Variants in RO60 observed in about 807,000 individuals in gnomAD.
The protein encoded by RO60 is RNA-binding protein RO60.
In RO60, 20 loss-of-function variants were observed where a neutral mutation model predicts 55.3. The ratio of observed to expected loss-of-function variants is 0.36; its 90% CI spans 0.25 to 0.53. RO60 has a LOEUF of 0.53. Ranked by LOEUF, RO60 falls within the 20% of genes least tolerant of loss-of-function variation. The pLI is 0.92. For synonymous variants in RO60, 213 were observed against 213.6 expected (o/e 1.00, Z 0.02); for missense variants, 558 against 646.6 (o/e 0.86, Z 1.49).
At position 193,082,148 on chromosome 1, in the gene RO60, C is replaced by G. The variant is rs569822628; in HGVS notation, c.1204-38C>G. ...AAAATTCAAAATATTGTATTTCCCCCCAAATTTGCTGAAAATTACTGCCAT... is the reference window on the plus strand; with the variant it reads ...AAAATTCAAAATATTGTATTTCCCCGCAAATTTGCTGAAAATTACTGCCAT... On this transcript the variant is annotated intron_variant, in intron 6 of 8. Coordinates refer to ENST00000400968, the MANE Select transcript of RO60 (RefSeq NM_001173524.2). 3.2e-6 allele frequency: 4 copies of G among 1,254,426 alleles called. No homozygotes were observed. The South Asian group carries it at 4.9e-5, about 15-fold the overall frequency. 77.7% of individuals were successfully genotyped at this position (1,254,426 alleles called of 1,614,324 possible). A position where few individuals can be genotyped will look rare whatever the true frequency, so the allele number is the denominator to read the frequency against.
chr1:193,076,627 AAT>A lies in RO60; in HGVS notation c.929_930del (p.Asn310ArgfsTer36). 1 of 1,602,750 alleles carries A rather than the reference AAT, an allele frequency of 6.2e-7. No individual in the cohort carries two copies. On this transcript the variant is annotated frameshift_variant, in exon 4 of 9. Coordinates refer to ENST00000400968, the MANE Select transcript of RO60 (RefSeq NM_001173524.2). LOFTEE classifies it high-confidence loss of function. ...ATCTTTAGTATGTGAAAAACTGTGT[AAT>A]GAAAAACTATTAAAAAAGGTAAGCA... Reference protein sequence around the residue: ...EVSLVCEKLCNEKLLKKARIH... With the variant: ...EVSLVCEKLCXEKLLKKARIH...
At chr1:193,074,512 T>A (rs1673758718) in intron 2 of RO60, among the ~76,000 whole-genome samples, 1 of 152,222 alleles carries the variant, frequency 6.6e-6, no homozygotes, top group Admixed American at 6.5e-5. Context: ...TTTTCATATG[T>A]CTTTTGGCTG....
chr1:193,067,857 T>A (rs1673222865), intron 1 of RO60, among the ~76,000 whole-genome samples: 1 of 152,190 alleles, frequency 6.6e-6, no homozygotes, highest in South Asian at 2.1e-4. Context: ...TAAGGATACA[T>A]TTATGACATA....
chr1:193,071,527 C>A (rs140727598), intron 2 of RO60, among the ~76,000 whole-genome samples: 1 of 151,842 alleles, frequency 6.6e-6, no homozygotes, highest in Non-Finnish European at 1.5e-5. Flanking sequence ...TATACTGTTA[C>A]AAAAATACTA....
At chr1:193,081,297 G>A (rs1229064611) in intron 5 of RO60, 67 bp from the exon 6 acceptor site, 2 of 881,092 alleles carry the variant, frequency 2.3e-6, no homozygotes, top group Non-Finnish European at 3.6e-6. Context: ...AAGTAAATAT[G>A]ATTTAGAAAT....
At chr1:193,078,200 A>G (rs1048329730) in intron 5 of RO60, among the ~76,000 whole-genome samples, 3 of 152,240 alleles carry the variant, frequency 2.0e-5, no homozygotes, top group Admixed American at 6.5e-5. Context: ...ACAAATTTCA[A>G]CATTCCTTCA....
At chr1:193,072,978 A>G (rs906442150) in intron 2 of RO60, among the ~76,000 whole-genome samples, 2 of 152,234 alleles carry the variant, frequency 1.3e-5, no homozygotes, top group Admixed American at 1.3e-4. Context: ...AAGCTTAAAA[A>G]TTTGGAAAAA....
rs1280101860 is a variant in RO60 at position 193,086,643 on chromosome 1, A to G, written c.*1912A>G. 1 of 152,192 alleles carries G rather than the reference A, an allele frequency of 6.6e-6. No individual in the cohort carries two copies. The highest frequency in any genetic ancestry group is 2.4e-5 in the African/African-American group (1 of 41,458). 9.4% of individuals were successfully genotyped at this position (152,192 alleles called of 1,614,324 possible). A position where few individuals can be genotyped will look rare whatever the true frequency, so the allele number is the denominator to read the frequency against. On this transcript the variant is annotated 3_prime_UTR_variant, in exon 9 of 9. Transcript: ENST00000400968. ...TCCTAATAGAAATGTTAAATAGAAT[A>G]TAGTACAAAAGTGCATTACCTTCAG...
Position 193,069,603 on chromosome 1 carries a change from A to G in RO60, c.549A>G (p.Leu183=). ...ATGGCTGGTCTCACAAAGATCTATTAAGATTGTCACATCTTAAACCTTCCA... is the reference window on the plus strand; with the variant it reads ...ATGGCTGGTCTCACAAAGATCTATTGAGATTGTCACATCTTAAACCTTCCA... ...QRNGWSHKDL[L]RLSHLKPSSE... The change falls in exon 2 of 9, where the codon TTA becomes TTG. Residue 183 remains leucine (L), a synonymous_variant. Transcript: ENST00000400968. 2 of 1,613,814 alleles carry G rather than the reference A, an allele frequency of 1.2e-6. No individual in the cohort carries two copies. The highest frequency in any genetic ancestry group is 8.5e-7 in the Non-Finnish European group (1 of 1,179,734).
chr1:193,074,945 G>C (rs1453253897), intron 2 of RO60, among the ~76,000 whole-genome samples: 1 of 152,062 alleles, frequency 6.6e-6, no homozygotes, highest in African/African-American at 2.4e-5. Context: ...TTCAGCTTTC[G>C]AGATGGAGTT....
At chr1:193,079,865 G>A (rs1022201023) in intron 5 of RO60, among the ~76,000 whole-genome samples, 1 of 151,732 alleles carries the variant, frequency 6.6e-6, no homozygotes, top group Non-Finnish European at 1.5e-5. Context: ...AGTGGCTCAC[G>A]CCTGTAATCC....
In RO60 at chr1:193,069,205, C is replaced by G. The variant is rs1673317466; in HGVS notation, c.151C>G (p.Gln51Glu). The change falls in exon 2 of 9, where the codon CAG (glutamine) becomes GAG (glutamate). Residue 51 changes from glutamine (Q) to glutamate (E), a missense_variant. Transcript: ENST00000400968. ...SEGGTYYIKE[Q>E]KLGLENAEAL... is the part of the protein sequence containing the mutation. ...AGGTGGGACTTATTATATCAAAGAACAGAAGTTGGGCCTTGAAAATGCTGA... is the reference window on the plus strand; with the variant it reads ...AGGTGGGACTTATTATATCAAAGAAGAGAAGTTGGGCCTTGAAAATGCTGA... The G allele has an allele frequency of 3.1e-6, 5 of 1,614,054 alleles. No individual in the cohort carries two copies. The highest frequency in any genetic ancestry group is 4.2e-6 in the Non-Finnish European group (5 of 1,180,024).
intron 2 of RO60, among the ~76,000 whole-genome samples, chr1:193,073,922 G>A (rs1673703716): frequency 7.4e-6 from 1 of 135,534 alleles, no homozygotes; most frequent in Non-Finnish European, 1.5e-5. Flanking sequence ...GGTGTGTGAT[G>A]TTCCCCTTCC....
At position 193,082,653 on chromosome 1, in the gene RO60, A is replaced by C. The variant is rs776854467; in HGVS notation, c.1409A>C (p.Asn470Thr). 15 of 1,613,976 alleles carry C rather than the reference A, an allele frequency of 9.3e-6. No individual in the cohort carries two copies. Among genetic ancestry groups the C allele is most frequent in the Non-Finnish European group, 1.2e-5 (14 of 1,179,908 alleles). ...GATGTCTTCATTGTATTCACTGATA[A>C]TGAGACCTTTGCTGGAGGTGTCCAT... Reference protein sequence around the residue: ...PADVFIVFTDNETFAGGVHPA... With the variant: ...PADVFIVFTDTETFAGGVHPA... The change falls in exon 8 of 9, where the codon AAT becomes ACT. Residue 470 changes from asparagine (N) to threonine (T), a missense_variant. Transcript: ENST00000400968.
chr1:193,085,807 G>T lies in RO60; in HGVS notation c.*1076G>T. ...GTAAACAAATAATAAAGCAATCTAG[G>T]TCCTTTAGGTTTGAAAGGCAATTTT... On this transcript the variant is annotated 3_prime_UTR_variant, in exon 9 of 9. Transcript: ENST00000400968. The T allele has an allele frequency of 1.0e-6, 1 of 984,836 alleles. No individual in the cohort carries two copies. Among genetic ancestry groups the T allele is most frequent in the Non-Finnish European group, 1.2e-6 (1 of 829,574 alleles). The allele number at this position is 984,836 out of a possible 1,614,324, so 61.0% of individuals were successfully genotyped here.
intron 2 of RO60, among the ~76,000 whole-genome samples, chr1:193,074,195 A>C (rs1175894835): frequency 2.0e-5 from 3 of 152,188 alleles, no homozygotes; most frequent in Non-Finnish European, 4.4e-5. Flanking sequence ...CGCAATAAAC[A>C]TACGTGTGCA....
At chr1:193,083,524 A>G (rs987435092) in intron 8 of RO60, among the ~76,000 whole-genome samples, 2 of 152,220 alleles carry the variant, frequency 1.3e-5, no homozygotes, top group African/African-American at 4.8e-5. Context: ...TGTGACTAGA[A>G]GTAGAAATAG....
rs1234085470 is a variant in RO60 at position 193,069,457 on chromosome 1, C to G, written c.403C>G (p.Leu135Val). Reference protein sequence around the residue: ...LFTFIQFKKDLKESMKCGMWG... With the variant: ...LFTFIQFKKDVKESMKCGMWG... ...TACTTTTATCCAGTTTAAGAAAGAT[C>G]TGAAGGAAAGCATGAAATGTGGCAT... The change falls in exon 2 of 9, where the codon CTG becomes GTG. Residue 135 changes from leucine (L) to valine (V), a missense_variant. Physicochemically the swap from Leu to Val is conservative, Grantham distance 32. Transcript: ENST00000400968. The G allele has an allele frequency of 1.2e-6, 2 of 1,614,204 alleles. No individual in the cohort carries two copies. Among genetic ancestry groups the G allele is most frequent in the Non-Finnish European group, 1.7e-6 (2 of 1,180,034 alleles).
chr1:193,084,646 C>G lies in RO60; in HGVS notation c.1532C>G (p.Pro511Arg), dbSNP rs368693035. Residue 511 changes from proline to arginine, a missense_variant, in exon 9 of 9, where the codon CCA becomes CGA. Transcript: ENST00000400968. ...MTSNGFTIAD[P>R]DDRGMLDMCG... Reference sequence around the variant, plus strand: ...TCAAATGGTTTCACCATTGCAGACCCAGATGATAGAGGCATGTTGGATATG... The same window carrying G: ...TCAAATGGTTTCACCATTGCAGACCGAGATGATAGAGGCATGTTGGATATG... The G allele has an allele frequency of 6.2e-7, 1 of 1,613,816 alleles. No homozygotes were observed. The highest frequency in any genetic ancestry group is 1.7e-5 in the Admixed American group (1 of 59,962).
Sources: gnomAD v4.1 joint callset for allele counts (sites outside exome capture counted in the v4.1 genomes callset) on GRCh38, gnomAD v4.1.1 for gene constraint, MANE v1.5 for transcripts, NCBI Gene and HGNC (gene_info 2026-07-23, HGNC 2026-07-21) for gene names.